The following MDN1 variants were observed in gnomAD, a reference collection of about 807,000 sequenced individuals.
MDN1 encodes the protein midasin AAA ATPase 1, also known as midasin.
Under a neutral mutation model 669.2 loss-of-function variants are expected in MDN1, and 266 were observed. The observed-to-expected ratio is 0.40, with a 90% CI of 0.36 to 0.44. The LOEUF (loss-of-function observed/expected upper bound fraction) is 0.44. Among genes scored for constraint, MDN1 ranks in the 20% least tolerant of loss-of-function variants. The pLI is 1.00. For missense variants in MDN1, 5,940 were observed against 6,754.0 expected, an observed-to-expected ratio of 0.88 and a Z score of 4.22; for synonymous variants, 2,385 against 2,457.1, an observed-to-expected ratio of 0.97 and a Z score of 0.87.
Position 89,692,767 on chromosome 6 carries a change from T to C in MDN1, c.10263A>G (p.Ser3421=). The change falls in exon 63 of 102, where the codon TCA becomes TCG. Residue 3421 remains serine, a synonymous_variant. Transcript: ENST00000369393. ...CTGCACCAACCATACTGCTGTGGAG[T>C]GAGGTGTGGAGCTCAGAGGCCACCA... The part of the protein sequence containing the change: ...MRLVASELHT[S]LHSSMVGADR... 6.2e-7 allele frequency: 1 copy of C among 1,613,874 alleles called. No homozygotes were observed. The highest frequency in any genetic ancestry group is 2.2e-5 in the East Asian group (1 of 44,876).
At position 89,646,611 on chromosome 6, in the gene MDN1, G is replaced by A. The variant is rs79320951; in HGVS notation, c.16396-8C>T. ...GGCAACAGACTCTAGAAACTAAACCGGAACCAGGAATAGACAATTAGAAAA... is the reference window on the plus strand; with the variant it reads ...GGCAACAGACTCTAGAAACTAAACCAGAACCAGGAATAGACAATTAGAAAA... On this transcript the variant is annotated splice_region_variant and splice_polypyrimidine_tract_variant and intron_variant, in intron 99 of 101. Coordinates refer to ENST00000369393, the MANE Select transcript of MDN1 (RefSeq NM_014611.3). 2.2e-5 allele frequency: 36 copies of A among 1,612,960 alleles called. No individual in the cohort carries two copies. In the African/African-American group the frequency reaches 2.5e-4, roughly 11 times the overall value.
At chr6:89,681,222 G>T (rs1407969902) in intron 73 of MDN1, among the ~76,000 whole-genome samples, 1 of 151,894 alleles carries the variant, frequency 6.6e-6, no homozygotes, top group Non-Finnish European at 1.5e-5. Flanking sequence ...CACCCAGGCT[G>T]AAGTGCAGTG....
Position 89,806,564 on chromosome 6 carries a change from A to G in MDN1, c.103-3010T>C, listed in dbSNP as rs927093693. ...AAACTTTGTCTCTACTAGAAATACA[A>G]AAAATTAGCCAGGTGTGCTGGTGTG... On this transcript the variant is annotated intron_variant, in intron 1 of 101. Transcript: ENST00000369393. Among the ~76,000 whole-genome samples the G allele has an allele frequency of 2.3e-4, 35 of 151,962 alleles. 1 individual carries two copies. Among genetic ancestry groups the G allele is most frequent in the African/African-American group, 7.2e-5 (3 of 41,388 alleles).
chr6:89,781,961 AC>A (rs1346811309), intron 9 of MDN1, among the ~76,000 whole-genome samples: 1 of 152,160 alleles, frequency 6.6e-6, no homozygotes, highest in East Asian at 1.9e-4. Flanking sequence ...ACAGAACAAG[AC>A]CCTGTCTCAA....
intron 1 of MDN1, 81 bp from the exon 2 acceptor site, chr6:89,803,635 G>A: frequency 9.8e-7 from 1 of 1,018,050 alleles, no homozygotes; most frequent in Non-Finnish European, 1.4e-6. Flanking sequence ...AGGAGCAAGT[G>A]CAGTGGTGCA....
chr6:89,697,704 C>T (rs1412447181), intron 59 of MDN1, among the ~76,000 whole-genome samples: 1 of 151,928 alleles, frequency 6.6e-6, no homozygotes, highest in Non-Finnish European at 1.5e-5. Context: ...GACTCAGCCT[C>T]CCAAGTAGCT....
intron 61 of MDN1, 46 bp from the exon 62 acceptor site, chr6:89,694,229 C>G: frequency 1.3e-6 from 2 of 1,492,590 alleles, no homozygotes; most frequent in Non-Finnish European, 9.3e-7. Flanking sequence ...CAGCTATGAC[C>G]ATGCACATGA....
chr6:89,773,032 C>T (rs1818183573), intron 13 of MDN1, among the ~76,000 whole-genome samples: 1 of 152,198 alleles, frequency 6.6e-6, no homozygotes, highest in South Asian at 2.1e-4. Flanking sequence ...TCAGTTTCCT[C>T]ACCTGTAAGA....
rs1351786706 is a variant in MDN1, at chr6:89,649,651, T to C, written c.16206+373A>G. 4.0e-5 allele frequency among the ~76,000 whole-genome samples: 6 copies of C among 151,576 alleles called. No homozygotes were observed. In the South Asian group the frequency reaches 8.5e-4, roughly 21 times the overall value. ...AGACTATGCAGTAATATCTGAAAAC[T>C]TTGATTTTTTTTTTAAGAGTACACT... On this transcript the variant is annotated intron_variant, in intron 97 of 101. Transcript: ENST00000369393.
At chr6:89,755,024 T>C (rs1360220584) in intron 20 of MDN1, among the ~76,000 whole-genome samples, 1 of 152,180 alleles carries the variant, frequency 6.6e-6, no homozygotes, top group African/African-American at 2.4e-5. Context: ...ATACTACTTG[T>C]ACTATCAGTA....
At chr6:89,807,545 T>C (rs1051648459) in intron 1 of MDN1, among the ~76,000 whole-genome samples, 2 of 152,246 alleles carry the variant, frequency 1.3e-5, no homozygotes, top group African/African-American at 2.4e-5. Context: ...AACTTGATCA[T>C]GATGTGGCTT....
At chr6:89,708,138 C>T (rs1313535478) in intron 51 of MDN1, among the ~76,000 whole-genome samples, 2 of 151,882 alleles carry the variant, frequency 1.3e-5, no homozygotes, top group East Asian at 1.9e-4. Context: ...CCTGTCTCTA[C>T]AAAAAAGTAC....
chr6:89,677,737 T>C (rs777045667), intron 75 of MDN1, 41 bp from the exon 76 acceptor site: 2 of 1,612,376 alleles, frequency 1.2e-6, no homozygotes, highest in Non-Finnish European at 8.5e-7. Context: ...AGATGCTTAG[T>C]AGAGAATGGA....
At chr6:89,791,250 C>T (rs1250809501) in intron 5 of MDN1, among the ~76,000 whole-genome samples, 1 of 152,060 alleles carries the variant, frequency 6.6e-6, no homozygotes, top group African/African-American at 2.4e-5. Context: ...TTCTTTTATT[C>T]CTTTCCCCAT....
At chr6:89,742,152 T>G (rs1425873879) in intron 31 of MDN1, among the ~76,000 whole-genome samples, 1 of 150,002 alleles carries the variant, frequency 6.7e-6, no homozygotes, top group African/African-American at 2.5e-5. Context: ...GTGGCTCACA[T>G]CTATAATCCT....
At chr6:89,728,728 G>C (rs1194319233) in intron 36 of MDN1, among the ~76,000 whole-genome samples, 1 of 152,162 alleles carries the variant, frequency 6.6e-6, no homozygotes, top group East Asian at 1.9e-4. Flanking sequence ...TGATTAGGGA[G>C]ACTGAGGCAG....
chr6:89,714,830 G>A (rs935685094), intron 45 of MDN1, 79 bp from the exon 46 acceptor site: 11 of 1,185,154 alleles, frequency 9.3e-6, no homozygotes, highest in African/African-American at 4.6e-5. Flanking sequence ...ATCAGTCAGT[G>A]AGGGCAAATC....
In MDN1 at chr6:89,690,073, T is replaced by G. The variant is rs1812283451; in HGVS notation, c.10820A>C (p.Glu3607Ala). 1 of 1,614,048 alleles carries G rather than the reference T, an allele frequency of 6.2e-7. No homozygotes were observed. Among genetic ancestry groups the G allele is most frequent in the East Asian group, 2.2e-5 (1 of 44,902 alleles). The change falls in exon 65 of 102, where the codon GAA (glutamate) becomes GCA (alanine). Residue 3607 changes from glutamate (E) to alanine (A), a missense_variant. Transcript: ENST00000369393. Reference protein sequence around the residue: ...NKGTSDGQEEEAGTNPALLSQ... With the variant: ...NKGTSDGQEEAAGTNPALLSQ... ...GAGGAGAGCTGGGTTTGTGCCTGCT[T>G]CCTCTTCTTGCCCATCTGAAGTTCC...
intron 91 of MDN1, 65 bp downstream of exon 91, chr6:89,656,635 T>C: frequency 1.0e-6 from 1 of 993,862 alleles, no homozygotes; most frequent in South Asian, 1.7e-5. Flanking sequence ...TTTAAAGCAC[T>C]ACGTTTGGAA....
Sources: gnomAD v4.1 joint callset for allele counts (sites outside exome capture counted in the v4.1 genomes callset) on GRCh38, gnomAD v4.1.1 for gene constraint, MANE v1.5 for transcripts, NCBI Gene and HGNC (gene_info 2026-07-23, HGNC 2026-07-21) for gene names.